Variants in OSBPL6 observed in about 807,000 individuals in gnomAD.
The protein encoded by OSBPL6 is oxysterol binding protein like 6.
Under a neutral mutation model 125.8 loss-of-function variants are expected in OSBPL6, and 49 were observed. That is an observed-to-expected ratio of 0.39 (90% CI 0.31 to 0.49). OSBPL6 has a LOEUF of 0.49. Among genes scored for constraint, OSBPL6 ranks in the 20% least tolerant of loss-of-function variants. The pLI is 0.88. For missense variants in OSBPL6, 986 were observed against 1,135.4 expected, an observed-to-expected ratio of 0.87 and a Z score of 1.89; for synonymous variants, 394 against 391.8, an observed-to-expected ratio of 1.01 and a Z score of -0.07.
At position 178,328,413 on chromosome 2, in the gene OSBPL6, T is replaced by C. The variant is rs754665581; in HGVS notation, c.318+35T>C. 1.9e-6 allele frequency: 3 copies of C among 1,598,126 alleles called. No individual in the cohort carries two copies. In the South Asian group the frequency reaches 3.4e-5, roughly 18 times the overall value. ...TTATCATATTCAGGTTCAGACCATC[T>C]TCATAAATAAAGAAGATCTTATTTG... On this transcript the variant is annotated intron_variant, in intron 5 of 24. Transcript: ENST00000190611.
intron 15 of OSBPL6, among the ~76,000 whole-genome samples, chr2:178,377,622 C>T (rs536080905): frequency 2.6e-5 from 4 of 152,306 alleles, no homozygotes; most frequent in African/African-American, 7.2e-5. Context: ...GCTCAAGCTA[C>T]GTATCCTGCA....
intron 1 of OSBPL6, among the ~76,000 whole-genome samples, chr2:178,213,580 AT>A (rs1559122509): frequency 6.6e-6 from 1 of 152,014 alleles, no homozygotes; most frequent in Non-Finnish European, 1.5e-5. Flanking sequence ...CATCAATCCA[AT>A]TTGCTTCCTG....
At chr2:178,365,851 A>T (rs1279467493) in intron 13 of OSBPL6, among the ~76,000 whole-genome samples, 1 of 152,084 alleles carries the variant, frequency 6.6e-6, no homozygotes, top group Non-Finnish European at 1.5e-5. Flanking sequence ...TCCCTTATAA[A>T]TGACTTTATT....
At chr2:178,224,493 T>C (rs2090470172) in intron 1 of OSBPL6, among the ~76,000 whole-genome samples, 1 of 152,244 alleles carries the variant, frequency 6.6e-6, no homozygotes, top group Admixed American at 6.5e-5. Flanking sequence ...TTTAAGGAAA[T>C]AACATTGTCT....
chr2:178,290,789 C>T (rs1405429219), intron 2 of OSBPL6, among the ~76,000 whole-genome samples: 1 of 151,884 alleles, frequency 6.6e-6, no homozygotes, highest in Non-Finnish European at 1.5e-5. Flanking sequence ...TGCTCATTTC[C>T]ATGGGTTGTC....
At chr2:178,377,049 A>G (rs1693937623) in intron 15 of OSBPL6, among the ~76,000 whole-genome samples, 1 of 152,202 alleles carries the variant, frequency 6.6e-6, no homozygotes, top group African/African-American at 2.4e-5. Flanking sequence ...GGTTTCTGGG[A>G]CAATCTCATC....
chr2:178,283,832 G>A (rs1684448263), intron 1 of OSBPL6, among the ~76,000 whole-genome samples: 1 of 152,168 alleles, frequency 6.6e-6, no homozygotes, highest in African/African-American at 2.4e-5. Flanking sequence ...GCAAGAGAGA[G>A]AGAGAAAAGG....
At chr2:178,330,422 G>C (rs1689098724) in intron 5 of OSBPL6, among the ~76,000 whole-genome samples, 2 of 152,210 alleles carry the variant, frequency 1.3e-5, no homozygotes, top group African/African-American at 4.8e-5. Flanking sequence ...CAACCACCAT[G>C]TGTTTATTCA....
chr2:178,225,275 G>GA (rs1318542521), intron 1 of OSBPL6, among the ~76,000 whole-genome samples: 4 of 145,356 alleles, frequency 2.8e-5, no homozygotes, highest in Non-Finnish European at 6.1e-5. Flanking sequence ...GAAAAGAAAA[G>GA]AAAAAAGGCT....
At chr2:178,387,379 C>T (rs964366625) in intron 20 of OSBPL6, among the ~76,000 whole-genome samples, 2 of 152,204 alleles carry the variant, frequency 1.3e-5, no homozygotes, top group African/African-American at 4.8e-5. Flanking sequence ...CCAGGTACCT[C>T]CCATGGCCCA....
intron 1 of OSBPL6, among the ~76,000 whole-genome samples, chr2:178,243,240 TG>T (rs1275419445): frequency 6.6e-6 from 1 of 152,184 alleles, no homozygotes; most frequent in Non-Finnish European, 1.5e-5. Context: ...AGTGGGAAGC[TG>T]GGAATGACTC....
At chr2:178,275,806 A>G (rs1329253587) in intron 1 of OSBPL6, among the ~76,000 whole-genome samples, 1 of 152,090 alleles carries the variant, frequency 6.6e-6, no homozygotes, top group African/African-American at 2.4e-5. Context: ...CAGCAGCAGC[A>G]GAACATTTGA....
chr2:178,233,113 C>T (rs1323285357), intron 1 of OSBPL6, among the ~76,000 whole-genome samples: 1 of 152,150 alleles, frequency 6.6e-6, no homozygotes, highest in Non-Finnish European at 1.5e-5. Context: ...CTACTTGTTA[C>T]AATTCTTCAA....
chr2:178,219,945 T>C (rs916057989), intron 1 of OSBPL6, among the ~76,000 whole-genome samples: 1 of 152,180 alleles, frequency 6.6e-6, no homozygotes, highest in Non-Finnish European at 1.5e-5. Flanking sequence ...TAAGTGGTGG[T>C]CTGGGGATTT....
chr2:178,359,003 C>G (rs1692076600), intron 12 of OSBPL6, among the ~76,000 whole-genome samples: 1 of 151,942 alleles, frequency 6.6e-6, no homozygotes, highest in African/African-American at 2.4e-5. Flanking sequence ...GACTCCATCT[C>G]CACAAAAAAT....
At chr2:178,331,985 C>T (rs1280710485) in intron 6 of OSBPL6, among the ~76,000 whole-genome samples, 2 of 152,180 alleles carry the variant, frequency 1.3e-5, no homozygotes, top group Non-Finnish European at 2.9e-5. Context: ...TTTATTTCTA[C>T]GTCATACATC....
intron 11 of OSBPL6, among the ~76,000 whole-genome samples, chr2:178,347,514 G>C (rs1690834982): frequency 6.6e-6 from 1 of 152,100 alleles, no homozygotes; most frequent in South Asian, 2.1e-4. Flanking sequence ...GCTCTTTCTA[G>C]ATTGAGCATC....
At chr2:178,297,941 C>G (rs1685908379) in intron 2 of OSBPL6, among the ~76,000 whole-genome samples, 1 of 152,132 alleles carries the variant, frequency 6.6e-6, no homozygotes, top group African/African-American at 2.4e-5. Context: ...GTTTGGTATC[C>G]ATCACCACCA....
Position 178,332,989 on chromosome 2 carries a change from C to T in OSBPL6, c.605C>T (p.Thr202Met), listed in dbSNP as rs375663906. 3.5e-5 allele frequency: 56 copies of T among 1,613,998 alleles called. No individual in the cohort carries two copies. Among genetic ancestry groups the T allele is most frequent in the African/African-American group, 6.7e-5 (5 of 74,904 alleles). Reference sequence around the variant, plus strand: ...GCTAGTTTTCACATATTTCCTTCAACGTCCACAGCTGAATCCTCACCAGCT... The same window carrying T: ...GCTAGTTTTCACATATTTCCTTCAATGTCCACAGCTGAATCCTCACCAGCT... ...RDASFHIFPS[T>M]STAESSPAAN... is the part of the protein sequence containing the mutation. The change falls in exon 8 of 25, where the codon ACG (threonine) becomes ATG (methionine). Residue 202 changes from threonine (T) to methionine (M), a missense_variant. Physicochemically the swap from Thr to Met is moderately conservative, Grantham distance 81. Transcript: ENST00000190611.
Sources: gnomAD v4.1 joint callset for allele counts (sites outside exome capture counted in the v4.1 genomes callset) on GRCh38, gnomAD v4.1.1 for gene constraint, MANE v1.5 for transcripts, NCBI Gene and HGNC (gene_info 2026-07-23, HGNC 2026-07-21) for gene names.